Variants in SH3PXD2B observed in about 807,000 individuals in gnomAD.
The protein encoded by SH3PXD2B is SH3 and PX domain-containing protein 2B.
In SH3PXD2B, 37 loss-of-function variants were observed where a neutral mutation model predicts 73.1. The observed-to-expected ratio is 0.51, with a 90% CI of 0.39 to 0.67. The LOEUF (loss-of-function observed/expected upper bound fraction) is 0.67, where lower values mean the gene tolerates loss of function less well. Among genes scored for constraint, SH3PXD2B ranks in the 30% least tolerant of loss-of-function variants. The pLI, the probability that SH3PXD2B is intolerant of heterozygous loss-of-function variation, is 0.00. For missense variants in SH3PXD2B, 1,053 were observed against 1,197.8 expected, an observed-to-expected ratio of 0.88 and a Z score of 1.78; for synonymous variants, 457 against 480.5, an observed-to-expected ratio of 0.95 and a Z score of 0.64.
At position 172,454,358 on chromosome 5, in the gene SH3PXD2B, C is replaced by T. The variant is rs1759884070; in HGVS notation, c.-6G>A. On this transcript the variant is annotated 5_prime_UTR_variant, in exon 1 of 13. Transcript: ENST00000311601. ...ATGCTGCGCCGCGGCGGCATGGCCG[C>T]TCCTCCGCCCGCAGCGGGCCGAGCG... 2.0e-6 allele frequency: 3 copies of T among 1,497,682 alleles called. No individual in the cohort carries two copies. Among genetic ancestry groups the T allele is most frequent in the Non-Finnish European group, 2.7e-6 (3 of 1,124,966 alleles). 92.8% of individuals were successfully genotyped at this position (1,497,682 alleles called of 1,614,324 possible).
intron 1 of SH3PXD2B, among the ~76,000 whole-genome samples, chr5:172,429,512 A>G (rs937817508): frequency 6.6e-6 from 1 of 152,122 alleles, no homozygotes; most frequent in Admixed American, 6.5e-5. Flanking sequence ...TGATCTAACC[A>G]AGTCCAGACT....
intron 3 of SH3PXD2B, among the ~76,000 whole-genome samples, chr5:172,398,111 C>T (rs947855019): frequency 6.6e-6 from 1 of 152,176 alleles, no homozygotes; most frequent in Admixed American, 6.5e-5. Context: ...TGGAATTCTC[C>T]TGTGTTTCTG....
intron 3 of SH3PXD2B, among the ~76,000 whole-genome samples, chr5:172,397,590 C>G (rs536751030): frequency 6.6e-6 from 1 of 152,198 alleles, no homozygotes; most frequent in South Asian, 2.1e-4. Context: ...TGTACTCTTT[C>G]CCTTTATTTC....
At chr5:172,447,353 T>C (rs781365776) in intron 1 of SH3PXD2B, among the ~76,000 whole-genome samples, 11 of 152,220 alleles carry the variant, frequency 7.2e-5, no homozygotes, top group Non-Finnish European at 1.3e-4. Flanking sequence ...TGATAGAAGA[T>C]GGAACACAGT....
At chr5:172,404,229 G>A (rs1016130824) in intron 3 of SH3PXD2B, among the ~76,000 whole-genome samples, 4 of 152,166 alleles carry the variant, frequency 2.6e-5, no homozygotes, top group Admixed American at 6.5e-5. Flanking sequence ...GGACTAGGGG[G>A]TTGGGAGACT....
chr5:172,388,406 CA>C (rs1758102193), intron 4 of SH3PXD2B, among the ~76,000 whole-genome samples: 1 of 152,170 alleles, frequency 6.6e-6, no homozygotes, highest in Non-Finnish European at 1.5e-5. Context: ...ATCATTTCAT[CA>C]GTTCCCTTGA....
In SH3PXD2B at chr5:172,431,371, G is replaced by T. The variant is rs73321674; in HGVS notation, c.76-8875C>A. 4.1e-3 allele frequency among the ~76,000 whole-genome samples: 625 copies of T among 152,370 alleles called. 4 individuals are homozygous for T. Among genetic ancestry groups the T allele is most frequent in the African/African-American group, 0.014 (577 of 41,590 alleles). ...TGCAGAGAGGATAAGTGAAGGAGAG[G>T]TGTGGGGAGAAGAGCGACGGGGAGA... On this transcript the variant is annotated intron_variant, in intron 1 of 12. Transcript: ENST00000311601.
At chr5:172,389,568 CAAAAAAA>C (rs34351709) in intron 4 of SH3PXD2B, among the ~76,000 whole-genome samples, 14 of 103,586 alleles carry the variant, frequency 1.4e-4, no homozygotes, top group African/African-American at 5.3e-4. Flanking sequence ...TCATCTCTAC[CAAAAAAA>C]AAAAAAAAAA....
chr5:172,340,870 C>A (rs915248942), intron 12 of SH3PXD2B, among the ~76,000 whole-genome samples: 21 of 152,170 alleles, frequency 1.4e-4, no homozygotes, highest in African/African-American at 5.1e-4. Flanking sequence ...TCTGGGATTA[C>A]AGGTGTGAGC....
Position 172,336,094 on chromosome 5 carries a change from C to G in SH3PXD2B, c.*2275G>C, listed in dbSNP as rs543454877. The G allele has an allele frequency of 1.9e-3, 1,893 of 988,746 alleles. 1 individual carries two copies. The highest frequency in any genetic ancestry group is 2.2e-3 in the Non-Finnish European group (1,810 of 832,392). The allele number at this position is 988,746 out of a possible 1,614,324, so 61.2% of individuals were successfully genotyped here. ...CAGACAGGACTCAAAGCTCTTCCAG[C>G]CAGGGATGGAGCCACACACATCCCA... is the stretch of plus-strand genomic sequence containing the variant. On this transcript the variant is annotated 3_prime_UTR_variant, in exon 13 of 13. Transcript: ENST00000311601.
intron 6 of SH3PXD2B, 58 bp from the exon 7 acceptor site, chr5:172,362,927 G>A: frequency 6.2e-7 from 1 of 1,610,642 alleles, no homozygotes; most frequent in Non-Finnish European, 8.5e-7. Flanking sequence ...AAGAGCAGGA[G>A]TCAGAGCAGT....
chr5:172,334,930 C>A lies in SH3PXD2B; in HGVS notation c.*3439G>T. On this transcript the variant is annotated 3_prime_UTR_variant, in exon 13 of 13. Coordinates refer to ENST00000311601, the MANE Select transcript of SH3PXD2B (RefSeq NM_001017995.3). Reference sequence around the variant, plus strand: ...CTTGGAAATTGATTCTATGGCGTGGCCTTGTGGCAGAGGTTTAAAATGACT... The same window carrying A: ...CTTGGAAATTGATTCTATGGCGTGGACTTGTGGCAGAGGTTTAAAATGACT... The A allele has an allele frequency of 1.0e-6, 1 of 985,374 alleles. No homozygotes were observed. The highest frequency in any genetic ancestry group is 1.2e-6 in the Non-Finnish European group (1 of 829,942). The allele number at this position is 985,374 out of a possible 1,614,324, so 61.0% of individuals were successfully genotyped here.
downstream of SH3PXD2B, among the ~76,000 whole-genome samples, chr5:172,329,075 A>ATTT (rs1561884420): frequency 2.0e-4 from 14 of 71,130 alleles, no homozygotes; most frequent in Non-Finnish European, 3.7e-4. Flanking sequence ...ATATATATAT[A>ATTT]TATATATATT....
chr5:172,337,268 G>A lies in SH3PXD2B; in HGVS notation c.*1101C>T. The A allele has an allele frequency of 1.0e-6, 1 of 985,806 alleles. No homozygotes were observed. The highest frequency in any genetic ancestry group is 1.2e-6 in the Non-Finnish European group (1 of 830,228). 61.1% of individuals were successfully genotyped at this position (985,806 alleles called of 1,614,324 possible). On this transcript the variant is annotated 3_prime_UTR_variant, in exon 13 of 13. Coordinates refer to ENST00000311601, the MANE Select transcript of SH3PXD2B (RefSeq NM_001017995.3). ...ACCCCCCTCACAATGAAGCCACTTG[G>A]CCACCACTTAGCCAGCTTCTATCTC...
intron 1 of SH3PXD2B, among the ~76,000 whole-genome samples, chr5:172,450,680 C>G (rs1438815282): frequency 1.3e-5 from 2 of 152,074 alleles, no homozygotes; most frequent in African/African-American, 2.4e-5. Context: ...GACACTAATG[C>G]TTCTGTACAT....
At chr5:172,388,129 C>T (rs1758097166) in intron 4 of SH3PXD2B, among the ~76,000 whole-genome samples, 2 of 152,310 alleles carry the variant, frequency 1.3e-5, no homozygotes, top group African/African-American at 4.8e-5. Context: ...GTCTGTCTAT[C>T]CGTGTGCTAA....
intron 6 of SH3PXD2B, among the ~76,000 whole-genome samples, chr5:172,366,434 C>T (rs1757524842): frequency 6.6e-6 from 1 of 152,180 alleles, no homozygotes; most frequent in African/African-American, 2.4e-5. Context: ...GGCTTGCCTT[C>T]TGATCTTGTC....
rs552516083 is a variant in SH3PXD2B at position 172,415,791 on chromosome 5, C to T, written c.156+6625G>A. ...TGGACTCCCCAGAGTAGTCCCAAGC[C>T]AGGGCAGAAAGGGAGAATCAGAGAG... On this transcript the variant is annotated intron_variant, in intron 2 of 12. Transcript: ENST00000311601. Among the ~76,000 whole-genome samples the T allele has an allele frequency of 1.3e-3, 198 of 152,306 alleles. 1 individual carries two copies. The highest frequency in any genetic ancestry group is 4.6e-3 in the African/African-American group (190 of 41,568).
intron 1 of SH3PXD2B, among the ~76,000 whole-genome samples, chr5:172,443,132 C>T (rs145624011): frequency 6.6e-6 from 1 of 152,250 alleles, no homozygotes. Flanking sequence ...TTTATTAAAA[C>T]CACAAATAAC....
Sources: gnomAD v4.1 joint callset for allele counts (sites outside exome capture counted in the v4.1 genomes callset) on GRCh38, gnomAD v4.1.1 for gene constraint, MANE v1.5 for transcripts, NCBI Gene and HGNC (gene_info 2026-07-23, HGNC 2026-07-21) for gene names.